Variants in TNIK observed in about 807,000 individuals in gnomAD.
The protein encoded by TNIK is TRAF2 and NCK-interacting protein kinase.
TNIK carries 49 observed loss-of-function variants against 191.3 expected under a neutral mutation model. The ratio of observed to expected loss-of-function variants is 0.26; its 90% CI spans 0.20 to 0.32. The LOEUF (loss-of-function observed/expected upper bound fraction) is 0.32. Ranked by LOEUF, TNIK falls within the 10% of genes least tolerant of loss-of-function variation. TNIK has a pLI of 1.00. For missense variants in TNIK, 1,155 were observed against 1,702.3 expected (o/e 0.68, Z 5.66); for synonymous variants, 594 against 600.9 (o/e 0.99, Z 0.17).
At chr3:171,082,452 C>G (rs764721577) in intron 26 of TNIK, 58 bp from the exon 27 acceptor site, 2 of 1,563,716 alleles carry the variant, frequency 1.3e-6, no homozygotes, top group South Asian at 1.2e-5. Context: ...TCTTCTGCAT[C>G]GAGAGTCCCT....
Position 171,180,187 on chromosome 3 carries a change from G to A in TNIK, c.640-2807C>T, listed in dbSNP as rs1736469867. Among the ~76,000 whole-genome samples the A allele has an allele frequency of 3.9e-5, 6 of 152,248 alleles. No individual in the cohort carries two copies. The South Asian group carries it at 1.2e-3, about 32-fold the overall frequency. ...TCAGGAAGAAGGAAAATGCTCGAAGGCCCAGCCTTTGGATCTTGACTCAAG... is the reference window on the plus strand; with the variant it reads ...TCAGGAAGAAGGAAAATGCTCGAAGACCCAGCCTTTGGATCTTGACTCAAG... On this transcript the variant is annotated intron_variant, in intron 7 of 32. Coordinates refer to ENST00000436636, the MANE Select transcript of TNIK (RefSeq NM_015028.4).
At chr3:171,224,239 C>G (rs941408888) in intron 3 of TNIK, among the ~76,000 whole-genome samples, 2 of 152,166 alleles carry the variant, frequency 1.3e-5, no homozygotes, top group Non-Finnish European at 2.9e-5. Context: ...TTAATTCATA[C>G]AAGCTAGTAA....
At chr3:171,153,628 G>A (rs1241108341) in intron 12 of TNIK, among the ~76,000 whole-genome samples, 1 of 152,178 alleles carries the variant, frequency 6.6e-6, no homozygotes, top group Non-Finnish European at 1.5e-5. Context: ...AACTGCAGCA[G>A]CCCAAGTTTC....
intron 1 of TNIK, among the ~76,000 whole-genome samples, chr3:171,427,942 G>A (rs1724860520): frequency 6.6e-6 from 1 of 152,204 alleles, no homozygotes. Context: ...AGAGGACGCT[G>A]CAGTCTCCTG....
At chr3:171,230,810 C>T (rs1743527023) in intron 2 of TNIK, among the ~76,000 whole-genome samples, 1 of 152,046 alleles carries the variant, frequency 6.6e-6, no homozygotes. Flanking sequence ...GATTAATATC[C>T]CTCTCTCCCT....
At chr3:171,253,020 T>C (rs1014382994) in intron 2 of TNIK, among the ~76,000 whole-genome samples, 1 of 151,950 alleles carries the variant, frequency 6.6e-6, no homozygotes, top group African/African-American at 2.4e-5. Context: ...CTCGTGCCTG[T>C]AATTCCAGCC....
At chr3:171,383,485 C>G (rs756881806) in intron 1 of TNIK, among the ~76,000 whole-genome samples, 2 of 152,148 alleles carry the variant, frequency 1.3e-5, no homozygotes, top group Non-Finnish European at 2.9e-5. Context: ...GACTGGAATG[C>G]TGGTTATTCA....
intron 2 of TNIK, among the ~76,000 whole-genome samples, chr3:171,363,977 G>C (rs1465343948): frequency 6.6e-6 from 1 of 152,134 alleles, no homozygotes; most frequent in South Asian, 2.1e-4. Flanking sequence ...GAGTCAGCAT[G>C]GAAATCCTAA....
At chr3:171,350,423 T>A (rs987191809) in intron 2 of TNIK, among the ~76,000 whole-genome samples, 2 of 152,118 alleles carry the variant, frequency 1.3e-5, no homozygotes, top group Admixed American at 6.5e-5. Flanking sequence ...GAAAAAGCTC[T>A]CTATGACATT....
At chr3:171,398,832 A>T (rs1254625621) in intron 1 of TNIK, among the ~76,000 whole-genome samples, 8 of 152,260 alleles carry the variant, frequency 5.3e-5, no homozygotes, top group Non-Finnish European at 1.2e-4. Context: ...CTTTCCCTGG[A>T]ACATTTTTCC....
rs77860754 is a variant in TNIK, at chr3:171,437,822, T to G, written c.57+22185A>C. Reference sequence around the variant, plus strand: ...CTCACATGCTTCTTAAAAGCAGAATTAGATGGCTCCAGATGACTTAAACAA... The same window carrying G: ...CTCACATGCTTCTTAAAAGCAGAATGAGATGGCTCCAGATGACTTAAACAA... On this transcript the variant is annotated intron_variant, in intron 1 of 32. Transcript: ENST00000436636. Among the ~76,000 whole-genome samples, 616 of 152,330 alleles carry G rather than the reference T, an allele frequency of 4.0e-3. 4 individuals carry two copies. Among genetic ancestry groups the G allele is most frequent in the African/African-American group, 0.014 (598 of 41,568 alleles).
intron 2 of TNIK, among the ~76,000 whole-genome samples, chr3:171,258,643 A>T (rs1235737769): frequency 6.6e-6 from 1 of 152,056 alleles, no homozygotes; most frequent in African/African-American, 2.4e-5. Flanking sequence ...ATAAAAAGGA[A>T]GCTCTTCCAA....
rs1447656705 is a variant in TNIK, at chr3:171,060,452, T to G, written c.*3429A>C. Among the ~76,000 whole-genome samples the G allele has an allele frequency of 6.6e-6, 1 of 152,140 alleles. No homozygotes were observed. Among genetic ancestry groups the G allele is most frequent in the East Asian group, 1.9e-4 (1 of 5,202 alleles). The stretch of plus-strand genomic sequence containing the variant: ...ATTAGGAGTGCACCCTAGAAAACAA[T>G]GTCAAAGTGTTAGAAAAATGGAGCC... On this transcript the variant is annotated 3_prime_UTR_variant, in exon 33 of 33. Coordinates refer to ENST00000436636, the MANE Select transcript of TNIK (RefSeq NM_015028.4).
intron 1 of TNIK, among the ~76,000 whole-genome samples, chr3:171,384,228 T>A (rs1718436647): frequency 1.3e-5 from 2 of 152,218 alleles, no homozygotes; most frequent in South Asian, 4.1e-4. Context: ...TCGCTTTGAA[T>A]GTATCTGTCT....
intron 16 of TNIK, among the ~76,000 whole-genome samples, chr3:171,126,931 T>A (rs1490773085): frequency 6.6e-6 from 1 of 152,210 alleles, no homozygotes; most frequent in Non-Finnish European, 1.5e-5. Context: ...ATCATTAAAA[T>A]CCAGAGTGCA....
At chr3:171,261,647 G>A (rs1215821666) in intron 2 of TNIK, among the ~76,000 whole-genome samples, 1 of 152,192 alleles carries the variant, frequency 6.6e-6, no homozygotes, top group East Asian at 1.9e-4. Context: ...TTCCTGTACA[G>A]AGTATGACTT....
intron 1 of TNIK, among the ~76,000 whole-genome samples, chr3:171,458,276 G>T (rs1351427506): frequency 6.6e-6 from 1 of 151,848 alleles, no homozygotes; most frequent in African/African-American, 2.4e-5. Flanking sequence ...ACACACAGTC[G>T]GTAAAGCAGG....
intron 22 of TNIK, among the ~76,000 whole-genome samples, chr3:171,094,674 C>T (rs1021012400): frequency 2.0e-5 from 3 of 152,164 alleles, no homozygotes; most frequent in African/African-American, 4.8e-5. Context: ...TTCCCTCTGC[C>T]TGGAAAGTTC....
In TNIK at chr3:171,093,833, A is replaced by C. The variant is rs1385919448; in HGVS notation, c.2721+6T>G. ...TTTCCTCTACACAGTTTTTATACCA[A>C]CTTACCTCTCTAATCATCAAGGTTC... is the stretch of plus-strand genomic sequence containing the variant. On this transcript the variant is annotated splice_donor_region_variant and intron_variant, in intron 23 of 32. Transcript: ENST00000436636. 1 of 1,613,256 alleles carries C rather than the reference A, an allele frequency of 6.2e-7. No individual in the cohort carries two copies. Among genetic ancestry groups the C allele is most frequent in the Non-Finnish European group, 8.5e-7 (1 of 1,179,476 alleles).
Sources: gnomAD v4.1 joint callset for allele counts (sites outside exome capture counted in the v4.1 genomes callset) on GRCh38, gnomAD v4.1.1 for gene constraint, MANE v1.5 for transcripts, NCBI Gene and HGNC (gene_info 2026-07-23, HGNC 2026-07-21) for gene names.